CD209: variants seen among roughly 807,000 people sequenced by gnomAD.
CD209 encodes CD209 antigen.
CD209 carries 31 observed loss-of-function variants against 44.7 expected under a neutral mutation model. That is an observed-to-expected ratio of 0.69 (90% confidence interval 0.52 to 0.94). The LOEUF (loss-of-function observed/expected upper bound fraction) is 0.94. Among genes scored for constraint, CD209 ranks in the 40% least tolerant of loss-of-function variants. CD209 has a pLI of 0.00. For missense variants in CD209, 407 were observed against 452.4 expected, an observed-to-expected ratio of 0.90 and a Z score of 0.91; for synonymous variants, 173 against 181.3, an observed-to-expected ratio of 0.95 and a Z score of 0.37.
At chr19:7,743,947 G>A (rs796366167) in intron 6 of CD209, among the ~76,000 whole-genome samples, 160 bp downstream of exon 6, 8 of 152,286 alleles carry the variant, frequency 5.3e-5, no homozygotes, top group South Asian at 2.1e-4. Flanking sequence ...CTGCCATGCT[G>A]TCTGGAAGTG....
At position 7,744,217 on chromosome 19, in the gene CD209, G is replaced by A; in HGVS notation, c.903C>T (p.Asn301=). ...TTCTGGAAGACTGCAGCTGTAGGAA[G>A]TTCTGGAGGGTACAGGAGGAGTCAG... The part of the protein sequence containing the change: ...LVVIKSAEEQ[N]FLQLQSSRSN... Residue 301 remains asparagine, a splice_region_variant and synonymous_variant, in exon 6 of 7, where the codon AAC becomes AAT. Transcript: ENST00000315599. 1.2e-6 allele frequency: 2 copies of A among 1,610,150 alleles called. No individual in the cohort carries two copies. Among genetic ancestry groups the A allele is most frequent in the Non-Finnish European group, 1.7e-6 (2 of 1,176,380 alleles).
At position 7,741,491 on chromosome 19, in the gene CD209, T is replaced by TA. The variant is rs535167552; in HGVS notation, c.*1547dup. The TA allele has an allele frequency of 1.1e-3, 548 of 492,352 alleles. 2 individuals carry two copies. Among genetic ancestry groups the TA allele is most frequent in the South Asian group, 2.2e-3 (124 of 57,106 alleles). The allele number at this position is 492,352 out of a possible 1,614,324, so 30.5% of individuals were successfully genotyped here. Reference sequence around the variant, plus strand: ...TGGCGACAGAGCAAGACCCCATCTTTAAAAAAAAATAGTAATTAAAAAATA... The same window carrying TA: ...TGGCGACAGAGCAAGACCCCATCTTTAAAAAAAAAATAGTAATTAAAAAATA... On this transcript the variant is annotated 3_prime_UTR_variant, in exon 7 of 7. Coordinates refer to ENST00000315599, the MANE Select transcript of CD209 (RefSeq NM_021155.4).
rs2033623208 is a variant in CD209, at chr19:7,741,789, C to T, written c.*1250G>A. ...CAGGTGTTGAGAAATCCAATAGAGA[C>T]CTCTGCTTGTCTCCTCCTTTGGCAA... is the stretch of plus-strand genomic sequence containing the variant. On this transcript the variant is annotated 3_prime_UTR_variant, in exon 7 of 7. Coordinates refer to ENST00000315599, the MANE Select transcript of CD209 (RefSeq NM_021155.4). The T allele has an allele frequency of 5.8e-6, 3 of 517,342 alleles. No individual in the cohort carries two copies. Among genetic ancestry groups the T allele is most frequent in the African/African-American group, 3.9e-5 (2 of 50,942 alleles). The allele number at this position is 517,342 out of a possible 1,614,324, so 32.0% of individuals were successfully genotyped here.
Position 7,746,056 on chromosome 19 carries a change from T to C in CD209, c.210A>G (p.Glu70=). Residue 70 remains glutamate (E), a synonymous_variant, in exon 4 of 7, where the codon GAA becomes GAG. Coordinates refer to ENST00000315599, the MANE Select transcript of CD209 (RefSeq NM_021155.4). ...VSKVPSSISQ[E]QSRQDAIYQN... is the part of the protein sequence containing the mutation. ...GGTAGATCGCGTCTTGCCTGGATTG[T>C]TCCTGACTTATGGAGCTGGGGACCT... The C allele has an allele frequency of 6.2e-7, 1 of 1,614,242 alleles. No individual in the cohort carries two copies. Among genetic ancestry groups the C allele is most frequent in the Middle Eastern group, 1.6e-4 (1 of 6,062 alleles).
rs57668221 is a variant in CD209 at position 7,744,230 on chromosome 19, C to G, written c.901-11G>C. 15,309 of 1,567,490 alleles carry G rather than the reference C, an allele frequency of 9.8e-3. 540 individuals carry two copies. In the African/African-American group the frequency reaches 0.12, roughly 12 times the overall value. ...CAGCTGTAGGAAGTTCTGGAGGGTA[C>G]AGGAGGAGTCAGGAGGGAGCTCTGC... On this transcript the variant is annotated splice_polypyrimidine_tract_variant and intron_variant, in intron 5 of 6. Coordinates refer to ENST00000315599, the MANE Select transcript of CD209 (RefSeq NM_021155.4).
Position 7,746,503 on chromosome 19 carries a change from C to T in CD209, c.135G>A (p.Leu45=), listed in dbSNP as rs760000323. ...AGCLGHGPLV[L]QLLSFTLLAG... ...CCAAGAGCGTGAAGGAGAGGAGTTG[C>T]AGCACCAGGGGACCATGGCCAAGAC... Residue 45 remains leucine, a synonymous_variant, in exon 3 of 7, where the codon CTG becomes CTA. Transcript: ENST00000315599. 6.2e-7 allele frequency: 1 copy of T among 1,613,854 alleles called. No homozygotes were observed. The highest frequency in any genetic ancestry group is 8.5e-7 in the Non-Finnish European group (1 of 1,179,838).
In CD209 at chr19:7,740,825, G is replaced by T; in HGVS notation, c.*2214C>A. ...AGGAGGAGGAACAGAAACGACAGAAGAAACAAAAACCGGAAGCTGTCCAGA... is the reference window on the plus strand; with the variant it reads ...AGGAGGAGGAACAGAAACGACAGAATAAACAAAAACCGGAAGCTGTCCAGA... On this transcript the variant is annotated 3_prime_UTR_variant, in exon 7 of 7. Coordinates refer to ENST00000315599, the MANE Select transcript of CD209 (RefSeq NM_021155.4). The T allele has an allele frequency of 1.3e-6, 1 of 757,058 alleles. No homozygotes were observed. The highest frequency in any genetic ancestry group is 1.4e-5 in the South Asian group (1 of 71,736). The allele number at this position is 757,058 out of a possible 1,614,324, so 46.9% of individuals were successfully genotyped here. A position where few individuals can be genotyped will look rare whatever the true frequency, so the allele number is the denominator to read the frequency against.
intron 5 of CD209, 70 bp downstream of exon 5, chr19:7,744,871 C>G (rs1018759099): frequency 6.3e-7 from 1 of 1,586,960 alleles, no homozygotes. Flanking sequence ...AAAGTCATCT[C>G]TGAGCACCTC....
chr19:7,741,307 C>A lies in CD209; in HGVS notation c.*1732G>T. 2.5e-6 allele frequency: 1 copy of A among 393,178 alleles called. No homozygotes were observed. The highest frequency in any genetic ancestry group is 4.7e-6 in the Non-Finnish European group (1 of 213,948). 24.4% of individuals were successfully genotyped at this position (393,178 alleles called of 1,614,324 possible). A position where few individuals can be genotyped will look rare whatever the true frequency, so the allele number is the denominator to read the frequency against. The stretch of plus-strand genomic sequence containing the variant: ...CAACATGTTGAAACCCCGTCTCTAC[C>A]AAAAATACAAGAATTAGCTGGGCGC... On this transcript the variant is annotated 3_prime_UTR_variant, in exon 7 of 7. Coordinates refer to ENST00000315599, the MANE Select transcript of CD209 (RefSeq NM_021155.4).
intron 4 of CD209, 142 bp from the exon 5 acceptor site, chr19:7,745,234 G>T: frequency 2.5e-6 from 3 of 1,216,278 alleles, no homozygotes; most frequent in Non-Finnish European, 2.3e-6. Context: ...CACTTCCCGA[G>T]ACCCTCCCCC....
Position 7,741,070 on chromosome 19 carries a change from C to A in CD209, c.*1969G>T. The A allele has an allele frequency of 1.2e-6, 1 of 826,606 alleles. No homozygotes were observed. The highest frequency in any genetic ancestry group is 2.1e-6 in the Non-Finnish European group (1 of 483,364). 51.2% of individuals were successfully genotyped at this position (826,606 alleles called of 1,614,324 possible). A position where few individuals can be genotyped will look rare whatever the true frequency, so the allele number is the denominator to read the frequency against. ...CATGTTTACAGTGTTTGGAAAGGAG[C>A]AGTGCAGGAGGGATGACTATGACTC... On this transcript the variant is annotated 3_prime_UTR_variant, in exon 7 of 7. Transcript: ENST00000315599.
intron 5 of CD209, 137 bp from the exon 6 acceptor site, chr19:7,744,356 G>T: frequency 1.5e-6 from 1 of 651,540 alleles, no homozygotes; most frequent in Non-Finnish European, 2.7e-6. Context: ...GCCCCCTCGT[G>T]TCTGAGTCCC....
rs35545365 is a variant in CD209, at chr19:7,743,183, C to T, written c.1071G>A (p.Ala357=). The T allele has an allele frequency of 1.5e-3, 2,487 of 1,614,134 alleles. 22 individuals carry two copies. In the African/African-American group the frequency reaches 0.028, roughly 18 times the overall value. The change falls in exon 7 of 7, where the codon GCG becomes GCA. Residue 357 remains alanine, a synonymous_variant. Transcript: ENST00000315599. ...CGTTCCAGCCATTGCCACTAAATTC[C>T]GCGCAGTCTTCCTCCCCAACGTTGT... The part of the protein sequence containing the change: ...EPNNVGEEDC[A]EFSGNGWNDD...
In CD209 at chr19:7,741,647, A is replaced by G. The variant is rs759414242; in HGVS notation, c.*1392T>C. Reference sequence around the variant, plus strand: ...CTTTCTCTGTTTAACGGACGATGGTATGTACGCAGGACGACAGCTTCAGTG... The same window carrying G: ...CTTTCTCTGTTTAACGGACGATGGTGTGTACGCAGGACGACAGCTTCAGTG... On this transcript the variant is annotated 3_prime_UTR_variant, in exon 7 of 7. Transcript: ENST00000315599. 4.5e-6 allele frequency: 4 copies of G among 882,690 alleles called. No individual in the cohort carries two copies. The highest frequency in any genetic ancestry group is 7.3e-6 in the Non-Finnish European group (4 of 547,520). The allele number at this position is 882,690 out of a possible 1,614,324, so 54.7% of individuals were successfully genotyped here.
In CD209 at chr19:7,740,860, A is replaced by G; in HGVS notation, c.*2179T>C. The stretch of plus-strand genomic sequence containing the variant: ...CCGGAAGCTGTCCAGAAGATGCTGG[A>G]TCAGGCTGAAAATGAGTTGGAAAAT... On this transcript the variant is annotated 3_prime_UTR_variant, in exon 7 of 7. Transcript: ENST00000315599. The G allele has an allele frequency of 2.7e-6, 2 of 743,928 alleles. No homozygotes were observed. The highest frequency in any genetic ancestry group is 1.7e-5 in the African/African-American group (1 of 57,370). 46.1% of individuals were successfully genotyped at this position (743,928 alleles called of 1,614,324 possible). A position where few individuals can be genotyped will look rare whatever the true frequency, so the allele number is the denominator to read the frequency against.
intron 6 of CD209, among the ~76,000 whole-genome samples, chr19:7,743,890 C>CA (rs570945021): frequency 0.032 from 4,845 of 152,264 alleles, 239 homozygotes; most frequent in African/African-American, 0.11. Context: ...ATACACCTCC[C>CA]CGGTGGCAGG....
In CD209 at chr19:7,742,664, G is replaced by A. The variant is rs10403018; in HGVS notation, c.*375C>T. On this transcript the variant is annotated 3_prime_UTR_variant, in exon 7 of 7. Coordinates refer to ENST00000315599, the MANE Select transcript of CD209 (RefSeq NM_021155.4). ...GAGCTCTTGCAACCAGTAAGTCCCC[G>A]ATCAAAGGGGTGCAGGAGGTGGTAG... is the stretch of plus-strand genomic sequence containing the variant. 5,373 of 226,860 alleles carry A rather than the reference G, an allele frequency of 0.024. 222 individuals are homozygous for A. The highest frequency in any genetic ancestry group is 0.099 in the African/African-American group (4,422 of 44,872). The allele number at this position is 226,860 out of a possible 1,614,324, so 14.1% of individuals were successfully genotyped here.
intron 2 of CD209, among the ~76,000 whole-genome samples, chr19:7,747,086 CTT>C (rs2033862632): frequency 6.6e-6 from 1 of 151,482 alleles, no homozygotes; most frequent in Non-Finnish European, 1.5e-5. Flanking sequence ...CAGGCTTCAA[CTT>C]CTACCTCCCC....
In CD209 at chr19:7,740,455, A is replaced by T; in HGVS notation, c.*2584T>A. On this transcript the variant is annotated 3_prime_UTR_variant, in exon 7 of 7. Transcript: ENST00000315599. ...CTAGAGGGGCGGGGCGGTGCCGGCA[A>T]GATGGCTGCGCCCGAAAAGGTGACA... 1.3e-6 allele frequency: 1 copy of T among 768,762 alleles called. No homozygotes were observed. The highest frequency in any genetic ancestry group is 2.3e-6 in the Non-Finnish European group (1 of 429,630). The allele number at this position is 768,762 out of a possible 1,614,324, so 47.6% of individuals were successfully genotyped here. A position where few individuals can be genotyped will look rare whatever the true frequency, so the allele number is the denominator to read the frequency against.
Sources: gnomAD v4.1 joint callset for allele counts (sites outside exome capture counted in the v4.1 genomes callset) on GRCh38, gnomAD v4.1.1 for gene constraint, MANE v1.5 for transcripts, NCBI Gene and HGNC (gene_info 2026-07-23, HGNC 2026-07-21) for gene names.